Variants in MCTP2 observed in about 807,000 individuals in gnomAD.
The protein encoded by MCTP2 is multiple C2 and transmembrane domain containing 2, also known as multiple C2 and transmembrane domain-containing protein 2.
MCTP2 carries 132 observed loss-of-function variants against 111.6 expected under a neutral mutation model. The ratio of observed to expected loss-of-function variants is 1.18; its 90% CI spans 1.03 to 1.37. MCTP2 has a LOEUF of 1.37. Ranked by LOEUF, MCTP2 falls within the 40% of genes most tolerant of loss-of-function variation. MCTP2 has a pLI of 0.00. For missense variants in MCTP2, 1,183 were observed against 1,067.9 expected (o/e 1.11, Z -1.50); for synonymous variants, 395 against 387.7 (o/e 1.02, Z -0.22).
chr15:94,374,647 G>T (rs1293695338), intron 12 of MCTP2, among the ~76,000 whole-genome samples: 1 of 152,064 alleles, frequency 6.6e-6, no homozygotes, highest in Admixed American at 6.5e-5. Context: ...AATAATTATT[G>T]TAAGAGACTT....
At chr15:94,431,103 G>A (rs1475951563) in intron 17 of MCTP2, among the ~76,000 whole-genome samples, 2 of 151,926 alleles carry the variant, frequency 1.3e-5, no homozygotes, top group Admixed American at 1.3e-4. Flanking sequence ...GTTTGTTTTT[G>A]TTTACTCTTG....
rs971806758 is a variant in MCTP2, at chr15:94,316,244, T to C, written c.637+607T>C. ...CTACGTATTATTTAATGTATAACTA[T>C]GTGCATTATGTATAATGTATAATGT... On this transcript the variant is annotated intron_variant, in intron 4 of 22. Transcript: ENST00000357742. 3.6e-5 allele frequency among the ~76,000 whole-genome samples: 5 copies of C among 139,594 alleles called. No individual in the cohort carries two copies. The Admixed American group carries it at 3.9e-4, about 11-fold the overall frequency. The allele number at this position is 139,594 out of a possible 152,430, so 91.6% of individuals were successfully genotyped here.
At chr15:94,240,120 T>G (rs1399283796) in intron 1 of MCTP2, among the ~76,000 whole-genome samples, 1 of 152,170 alleles carries the variant, frequency 6.6e-6, no homozygotes, top group African/African-American at 2.4e-5. Flanking sequence ...TTTCCTAGTT[T>G]ACAGGACACA....
intron 14 of MCTP2, among the ~76,000 whole-genome samples, chr15:94,387,422 T>C (rs896367048): frequency 6.6e-6 from 1 of 152,038 alleles, no homozygotes. Context: ...TCACTTCCAG[T>C]CAAGAACCGC....
intron 1 of MCTP2, among the ~76,000 whole-genome samples, chr15:94,243,431 A>C (rs1430430057): frequency 6.7e-6 from 1 of 149,522 alleles, no homozygotes; most frequent in Non-Finnish European, 1.5e-5. Context: ...GTATATGCGT[A>C]TGTACATACA....
intron 17 of MCTP2, among the ~76,000 whole-genome samples, chr15:94,421,265 A>G (rs950103892): frequency 7.2e-5 from 11 of 152,120 alleles, no homozygotes; most frequent in Non-Finnish European, 1.3e-4. Flanking sequence ...TGTACTGGGA[A>G]ACCCAAAAAA....
At chr15:94,248,851 G>T (rs1422615219) in intron 1 of MCTP2, among the ~76,000 whole-genome samples, 1 of 152,162 alleles carries the variant, frequency 6.6e-6, no homozygotes, top group African/African-American at 2.4e-5. Flanking sequence ...ACCCTGCCAC[G>T]GTGGCTTACA....
intron 17 of MCTP2, among the ~76,000 whole-genome samples, chr15:94,407,228 T>G (rs1242441862): frequency 6.6e-6 from 1 of 152,218 alleles, no homozygotes; most frequent in Non-Finnish European, 1.5e-5. Flanking sequence ...AAAATATTAT[T>G]TACTTGACAG....
At chr15:94,245,716 G>GTATATA (rs34856900) in intron 1 of MCTP2, among the ~76,000 whole-genome samples, 20 of 139,772 alleles carry the variant, frequency 1.4e-4, no homozygotes, top group South Asian at 1.1e-3. Context: ...GTGTGTGTGT[G>GTATATA]TATATATATA....
intron 12 of MCTP2, among the ~76,000 whole-genome samples, chr15:94,379,663 A>G (rs186599597): frequency 6.4e-4 from 96 of 149,930 alleles, no homozygotes; most frequent in Non-Finnish European, 1.1e-3. Context: ...GATTATCGCT[A>G]TTTGCCTCTC....
At chr15:94,244,299 T>TAC (rs1400947784) in intron 1 of MCTP2, among the ~76,000 whole-genome samples, 5 of 148,698 alleles carry the variant, frequency 3.4e-5, no homozygotes, top group Admixed American at 3.3e-4. Flanking sequence ...CATATGTGTA[T>TAC]ATATTTATAT....
At chr15:94,402,613 C>G in intron 17 of MCTP2, 1 of 1,550,328 alleles carries the variant, frequency 6.5e-7, no homozygotes. Context: ...CCACCTAAGT[C>G]TACCACTGAG....
chr15:94,464,257 T>TATATATATA (rs4001978), intron 20 of MCTP2, among the ~76,000 whole-genome samples: 26 of 44,940 alleles, frequency 5.8e-4, no homozygotes, highest in African/African-American at 1.4e-3. Flanking sequence ...TATATATATA[T>TATATATATA]TATATATATA....
chr15:94,364,663 A>G (rs903641802), intron 10 of MCTP2, among the ~76,000 whole-genome samples: 8 of 152,158 alleles, frequency 5.3e-5, no homozygotes, highest in African/African-American at 1.9e-4. Context: ...CTCTTTTGGG[A>G]GGTTGGATGA....
chr15:94,390,072 A>ATATATATG (rs2080809872), intron 14 of MCTP2, among the ~76,000 whole-genome samples: 2 of 16,646 alleles, frequency 1.2e-4, no homozygotes, highest in African/African-American at 2.9e-4. Context: ...ATATATATAT[A>ATATATATG]TATATATATA....
intron 4 of MCTP2, among the ~76,000 whole-genome samples, chr15:94,337,416 G>A (rs770405523): frequency 8.5e-5 from 13 of 152,214 alleles, no homozygotes; most frequent in South Asian, 4.2e-4. Context: ...TTGAGAGTAC[G>A]CTGACAAGCA....
At chr15:94,272,728 A>G (rs1412954991) in intron 1 of MCTP2, among the ~76,000 whole-genome samples, 3 of 70,174 alleles carry the variant, frequency 4.3e-5, no homozygotes, top group African/African-American at 1.0e-4. Context: ...AGATAACACC[A>G]TATTTTTTTT....
chr15:94,271,777 T>G (rs564480045), intron 1 of MCTP2, among the ~76,000 whole-genome samples: 1 of 152,362 alleles, frequency 6.6e-6, no homozygotes, highest in South Asian at 2.1e-4. Flanking sequence ...CTTAAAAATA[T>G]GCACCATTTG....
intron 10 of MCTP2, among the ~76,000 whole-genome samples, chr15:94,362,529 A>T (rs1161046521): frequency 6.6e-6 from 1 of 152,088 alleles, no homozygotes; most frequent in Non-Finnish European, 1.5e-5. Context: ...GGCAGCGAAA[A>T]ATCTGGGCTG....
Sources: gnomAD v4.1 joint callset for allele counts (sites outside exome capture counted in the v4.1 genomes callset) on GRCh38, gnomAD v4.1.1 for gene constraint, MANE v1.5 for transcripts, NCBI Gene and HGNC (gene_info 2026-07-23, HGNC 2026-07-21) for gene names.